RSRC1: variants seen among roughly 807,000 people sequenced by gnomAD.
RSRC1 encodes the protein serine/Arginine-related protein 53.
In RSRC1, 39 loss-of-function variants were observed where a neutral mutation model predicts 49.1. That is an observed-to-expected ratio of 0.79 (90% confidence interval 0.61 to 1.04). The LOEUF (loss-of-function observed/expected upper bound fraction) is 1.04, where lower values mean the gene tolerates loss of function less well. Ranked by LOEUF, RSRC1 falls within the 50% of genes least tolerant of loss-of-function variation. RSRC1 has a pLI of 0.00. For synonymous variants in RSRC1, 143 were observed against 130.8 expected, an observed-to-expected ratio of 1.09 and a Z score of -0.63; for missense variants, 388 against 402.4, an observed-to-expected ratio of 0.96 and a Z score of 0.31.
At chr3:158,391,314 T>G (rs1733276624) in intron 6 of RSRC1, among the ~76,000 whole-genome samples, 1 of 152,178 alleles carries the variant, frequency 6.6e-6, no homozygotes. Context: ...AAAACTGGCA[T>G]AGTAGAGCCA....
intron 5 of RSRC1, among the ~76,000 whole-genome samples, chr3:158,313,613 C>T (rs1033301994): frequency 1.3e-5 from 2 of 152,056 alleles, no homozygotes; most frequent in African/African-American, 2.4e-5. Flanking sequence ...GGAAGGCACA[C>T]GTATGAAAAT....
chr3:158,419,983 C>T (rs2108335707), intron 6 of RSRC1, among the ~76,000 whole-genome samples: 1 of 151,910 alleles, frequency 6.6e-6, no homozygotes, highest in East Asian at 2.0e-4. Context: ...TCCTCTGCCT[C>T]CCTCCACTCC....
intron 4 of RSRC1, among the ~76,000 whole-genome samples, chr3:158,211,822 CATCATTTT>C (rs1721695708): frequency 5.2e-5 from 1 of 19,308 alleles, no homozygotes; most frequent in South Asian, 1.2e-3. Flanking sequence ...AATAAATGGT[CATCATTTT>C]ATTTTTTATT....
chr3:158,307,342 T>A (rs1019761348), intron 5 of RSRC1, among the ~76,000 whole-genome samples: 1 of 151,934 alleles, frequency 6.6e-6, no homozygotes, highest in Non-Finnish European at 1.5e-5. Context: ...ATTTCTAAGG[T>A]TCTTGAATAT....
At chr3:158,243,709 G>C (rs74473433) in intron 4 of RSRC1, among the ~76,000 whole-genome samples, 1 of 151,964 alleles carries the variant, frequency 6.6e-6, no homozygotes, top group Admixed American at 6.6e-5. Context: ...TGTCATGTCT[G>C]ATTTCTTTGA....
intron 3 of RSRC1, among the ~76,000 whole-genome samples, chr3:158,185,303 C>T (rs1719861492): frequency 6.6e-6 from 1 of 151,956 alleles, no homozygotes; most frequent in South Asian, 2.1e-4. Flanking sequence ...GGTTTACTTA[C>T]TTGATAAGGA....
chr3:158,326,566 C>T (rs539897213), intron 5 of RSRC1, among the ~76,000 whole-genome samples: 7 of 152,146 alleles, frequency 4.6e-5, no homozygotes, highest in Admixed American at 1.3e-4. Flanking sequence ...AGCCTTGCAT[C>T]GTAGGGATGA....
chr3:158,259,617 A>G (rs1095627), intron 4 of RSRC1, among the ~76,000 whole-genome samples: 68,402 of 151,966 alleles, frequency 0.45, 15,738 homozygotes, highest in East Asian at 0.64. Flanking sequence ...TGGCTCTACA[A>G]TCCACAGGTG....
chr3:158,544,920 A>G lies in RSRC1; in HGVS notation c.*645A>G. On this transcript the variant is annotated 3_prime_UTR_variant, in exon 10 of 10. Coordinates refer to ENST00000611884, the MANE Select transcript of RSRC1 (RefSeq NM_001271838.2). ...TCACATGTTCATGCTAGACCTAACCAGTTGGCCAAATACCTATGATGGAGA... is the reference window on the plus strand; with the variant it reads ...TCACATGTTCATGCTAGACCTAACCGGTTGGCCAAATACCTATGATGGAGA... The G allele has an allele frequency of 6.6e-6, 1 of 152,176 alleles. No homozygotes were observed. The highest frequency in any genetic ancestry group is 1.5e-5 in the Non-Finnish European group (1 of 68,026). 9.4% of individuals were successfully genotyped at this position (152,176 alleles called of 1,614,324 possible).
chr3:158,434,008 G>T (rs1397447172), intron 6 of RSRC1, among the ~76,000 whole-genome samples: 1 of 151,770 alleles, frequency 6.6e-6, no homozygotes, highest in African/African-American at 2.4e-5. Context: ...ATGATTTTTT[G>T]AAACTCCAAA....
At chr3:158,151,843 A>G (rs1408452569) in intron 3 of RSRC1, among the ~76,000 whole-genome samples, 1 of 152,148 alleles carries the variant, frequency 6.6e-6, no homozygotes, top group East Asian at 1.9e-4. Flanking sequence ...ATGAATGTTA[A>G]TTAAAATATA....
At chr3:158,225,008 G>A (rs1377255302) in intron 4 of RSRC1, among the ~76,000 whole-genome samples, 1 of 151,794 alleles carries the variant, frequency 6.6e-6, no homozygotes. Flanking sequence ...TTTCAAATGA[G>A]GTTTTTGAAG....
chr3:158,465,972 T>A (rs1236004822), intron 7 of RSRC1, among the ~76,000 whole-genome samples: 1 of 152,214 alleles, frequency 6.6e-6, no homozygotes, highest in Non-Finnish European at 1.5e-5. Flanking sequence ...CAGTCATTTA[T>A]CCTAGCCATC....
At chr3:158,127,005 G>A (rs903374022) in intron 3 of RSRC1, among the ~76,000 whole-genome samples, 12 of 151,962 alleles carry the variant, frequency 7.9e-5, no homozygotes, top group African/African-American at 2.9e-4. Context: ...TCTTATGAAA[G>A]CTCCCTTGTG....
chr3:158,306,330 A>C (rs899824799), intron 5 of RSRC1, among the ~76,000 whole-genome samples: 1 of 151,892 alleles, frequency 6.6e-6, no homozygotes, highest in Non-Finnish European at 1.5e-5. Flanking sequence ...GTATTTTACA[A>C]CTTGGACTTT....
intron 7 of RSRC1, among the ~76,000 whole-genome samples, chr3:158,487,124 C>T (rs1738843674): frequency 6.6e-6 from 1 of 152,172 alleles, no homozygotes; most frequent in Non-Finnish European, 1.5e-5. Context: ...TTCTTATTTT[C>T]ATTCAATACT....
chr3:158,307,536 G>A (rs892144958), intron 5 of RSRC1, among the ~76,000 whole-genome samples: 4 of 151,820 alleles, frequency 2.6e-5, no homozygotes, highest in South Asian at 4.1e-4. Context: ...GTGTGGGACC[G>A]TATTAATATT....
chr3:158,271,543 A>G (rs1327698900), intron 4 of RSRC1, among the ~76,000 whole-genome samples: 4 of 152,136 alleles, frequency 2.6e-5, no homozygotes, highest in Admixed American at 1.3e-4. Context: ...TCTTTGCACC[A>G]TATATTTTTT....
intron 5 of RSRC1, among the ~76,000 whole-genome samples, chr3:158,348,199 T>C (rs1205284453): frequency 6.6e-6 from 1 of 152,240 alleles, no homozygotes; most frequent in Non-Finnish European, 1.5e-5. Context: ...GCAGATGGAA[T>C]GGCTTTAACT....
Sources: allele counts gnomAD v4.1 joint callset (sites outside exome capture counted in the v4.1 genomes callset), GRCh38; gene constraint gnomAD v4.1.1; transcripts MANE v1.5; gene names NCBI Gene and HGNC (gene_info 2026-07-23, HGNC 2026-07-21).